The following CPNE5 variants were observed in gnomAD, a reference collection of about 807,000 sequenced individuals.
CPNE5 encodes the protein copine 5.
Under a neutral mutation model 81.1 loss-of-function variants are expected in CPNE5, and 42 were observed. The observed-to-expected ratio is 0.52, with a 90% CI of 0.40 to 0.67. The LOEUF is 0.67. CPNE5 is among the 30% of genes least tolerant of loss of function. The probability of loss-of-function intolerance (pLI) is 0.00; values close to 1 mark genes in which losing one functional copy is unlikely to be tolerated. For synonymous variants in CPNE5, 313 were observed against 321.5 expected, an observed-to-expected ratio of 0.97 and a Z score of 0.28; for missense variants, 612 against 815.5, an observed-to-expected ratio of 0.75 and a Z score of 3.04.
intron 3 of CPNE5, among the ~76,000 whole-genome samples, chr6:36,804,714 C>T (rs561280617): frequency 7.6e-6 from 1 of 130,902 alleles, no homozygotes; most frequent in Non-Finnish European, 1.6e-5. Flanking sequence ...AGGAAGATGA[C>T]AAGGCTGCTT....
chr6:36,751,380 G>A (rs1415811320), intron 14 of CPNE5, among the ~76,000 whole-genome samples: 1 of 152,238 alleles, frequency 6.6e-6, no homozygotes, highest in African/African-American at 2.4e-5. Flanking sequence ...TATGGGAGAA[G>A]GAACCCTGCC....
intron 7 of CPNE5, chr6:36,792,316 C>A: frequency 2.0e-6 from 3 of 1,522,002 alleles, no homozygotes; most frequent in Non-Finnish European, 2.6e-6. Flanking sequence ...AGCTGCCCCA[C>A]CCCCTGCTCC....
intron 14 of CPNE5, 51 bp from the exon 15 acceptor site, chr6:36,748,318 G>A (rs1764415334): frequency 6.5e-7 from 1 of 1,548,024 alleles, no homozygotes; most frequent in Admixed American, 1.7e-5. Context: ...GCAGGGCTGT[G>A]GGAGGGGGGA....
chr6:36,780,330 G>T (rs576158370), intron 8 of CPNE5, among the ~76,000 whole-genome samples: 2 of 152,254 alleles, frequency 1.3e-5, no homozygotes, highest in African/African-American at 4.8e-5. Flanking sequence ...GGGCCAAAAC[G>T]GTGGCAGAGA....
At chr6:36,790,591 T>C (rs1052549786) in intron 8 of CPNE5, among the ~76,000 whole-genome samples, 1 of 152,176 alleles carries the variant, frequency 6.6e-6, no homozygotes, top group African/African-American at 2.4e-5. Context: ...TCAAAATATG[T>C]CTTATTTTAT....
At chr6:36,799,436 A>G (rs998969763) in intron 4 of CPNE5, among the ~76,000 whole-genome samples, 1 of 151,220 alleles carries the variant, frequency 6.6e-6, no homozygotes, top group East Asian at 1.9e-4. Flanking sequence ...AACATCACAA[A>G]CTCCCCAGCC....
chr6:36,836,428 C>A (rs1773508750), intron 1 of CPNE5, among the ~76,000 whole-genome samples: 1 of 152,082 alleles, frequency 6.6e-6, no homozygotes, highest in South Asian at 2.1e-4. Context: ...CAAGTGGAAA[C>A]AAGTGTTCCT....
At chr6:36,756,089 A>G in intron 13 of CPNE5, 156 bp downstream of exon 13, 3 of 615,732 alleles carry the variant, frequency 4.9e-6, no homozygotes, top group South Asian at 3.9e-5. Flanking sequence ...CTGTTGCTCC[A>G]TCTGCCCCAC....
chr6:36,807,644 G>T (rs147859796), intron 3 of CPNE5, among the ~76,000 whole-genome samples: 35 of 151,808 alleles, frequency 2.3e-4, no homozygotes, highest in African/African-American at 7.3e-4. Flanking sequence ...CACCTGAGAG[G>T]GTTTTCGTCC....
At chr6:36,836,036 A>G (rs557904089) in intron 1 of CPNE5, among the ~76,000 whole-genome samples, 1 of 152,356 alleles carries the variant, frequency 6.6e-6, no homozygotes, top group East Asian at 1.9e-4. Flanking sequence ...ACCCAAGGTC[A>G]TAGGAAGAGA....
At chr6:36,762,796 C>T in intron 12 of CPNE5, 121 bp downstream of exon 12, 1 of 788,728 alleles carries the variant, frequency 1.3e-6, no homozygotes, top group Non-Finnish European at 2.2e-6. Context: ...TAGAATGGGA[C>T]AATAACCCCT....
intron 14 of CPNE5, among the ~76,000 whole-genome samples, chr6:36,751,801 T>TAAATA (rs145461492): frequency 0.059 from 8,863 of 151,092 alleles, 305 homozygotes; most frequent in Middle Eastern, 0.079. Flanking sequence ...TCTCAAAAAA[T>TAAATA]AAATAAAATA....
At position 36,744,224 on chromosome 6, in the gene CPNE5, G is replaced by T. The variant is rs76616936; in HGVS notation, c.1489+44C>A. On this transcript the variant is annotated intron_variant, in intron 19 of 20. Transcript: ENST00000244751. ...ACATCTGGGGTGGGGGCAGGGTTGC[G>T]TGGCTAGGGAAGGAAAGGAGGGGAA... 1.7e-3 allele frequency: 2,607 copies of T among 1,503,598 alleles called. 76 individuals carry two copies. In the East Asian group the frequency reaches 0.053, roughly 31 times the overall value. 93.1% of individuals were successfully genotyped at this position (1,503,598 alleles called of 1,614,324 possible). A position where few individuals can be genotyped will look rare whatever the true frequency, so the allele number is the denominator to read the frequency against.
chr6:36,796,135 G>T (rs1025740430), intron 6 of CPNE5, among the ~76,000 whole-genome samples: 1 of 152,114 alleles, frequency 6.6e-6, no homozygotes, highest in Admixed American at 6.5e-5. Flanking sequence ...TTTTAGTAGA[G>T]ACAAGGTTTC....
Position 36,742,205 on chromosome 6 carries a change from G to C in CPNE5, c.*63C>G. The C allele has an allele frequency of 7.5e-7, 1 of 1,334,810 alleles. No individual in the cohort carries two copies. The allele number at this position is 1,334,810 out of a possible 1,614,324, so 82.7% of individuals were successfully genotyped here. A position where few individuals can be genotyped will look rare whatever the true frequency, so the allele number is the denominator to read the frequency against. ...GCAGGCCAACTTCGGGGAGTCTGGG[G>C]CCCTGGCCTCCCATTCACCTGGCCT... On this transcript the variant is annotated 3_prime_UTR_variant, in exon 21 of 21. Transcript: ENST00000244751.
At chr6:36,815,180 A>C (rs1294330119) in intron 3 of CPNE5, among the ~76,000 whole-genome samples, 1 of 151,574 alleles carries the variant, frequency 6.6e-6, no homozygotes, top group Non-Finnish European at 1.5e-5. Flanking sequence ...AAGAACAAAA[A>C]AAAAGAACAG....
chr6:36,798,643 AC>A, intron 4 of CPNE5, 149 bp from the exon 5 acceptor site: 1 of 693,560 alleles, frequency 1.4e-6, no homozygotes. Context: ...GGAAGACATG[AC>A]AGGGAGCCTT....
intron 9 of CPNE5, 87 bp from the exon 10 acceptor site, chr6:36,775,152 A>G (rs938573562): frequency 2.1e-6 from 2 of 948,632 alleles, no homozygotes; most frequent in Admixed American, 3.8e-5. Context: ...GCTGGTTCAC[A>G]TCTCTGGTTC....
intron 6 of CPNE5, 35 bp downstream of exon 6, chr6:36,798,130 T>G: frequency 6.4e-7 from 1 of 1,570,940 alleles, no homozygotes; most frequent in Non-Finnish European, 8.7e-7. Flanking sequence ...GGCGGGAAGT[T>G]GGCCTACCAC....
Sources: allele counts gnomAD v4.1 joint callset (sites outside exome capture counted in the v4.1 genomes callset), GRCh38; gene constraint gnomAD v4.1.1; transcripts MANE v1.5; gene names NCBI Gene and HGNC (gene_info 2026-07-23, HGNC 2026-07-21).